Variants in MINDY4 observed in about 807,000 individuals in gnomAD.
MINDY4 encodes MINDY lysine 48 deubiquitinase 4.
MINDY4 carries 68 observed loss-of-function variants against 87.0 expected under a neutral mutation model. That is an observed-to-expected ratio of 0.78 (90% CI 0.64 to 0.96). The LOEUF (loss-of-function observed/expected upper bound fraction) is 0.96, where lower values mean the gene tolerates loss of function less well. MINDY4 is among the 40% of genes least tolerant of loss of function. The pLI, the probability that MINDY4 is intolerant of heterozygous loss-of-function variation, is 0.00. For missense variants in MINDY4, 919 were observed against 928.2 expected (o/e 0.99, Z 0.13); for synonymous variants, 379 against 363.2 (o/e 1.04, Z -0.50).
At chr7:30,871,477 G>A (rs1249118241) in intron 13 of MINDY4, among the ~76,000 whole-genome samples, 2 of 152,198 alleles carry the variant, frequency 1.3e-5, no homozygotes, top group Non-Finnish European at 2.9e-5. Flanking sequence ...AGACTTGGGA[G>A]GGTTTTCTGC....
intron 5 of MINDY4, among the ~76,000 whole-genome samples, chr7:30,817,059 T>C (rs1335217751): frequency 6.6e-6 from 1 of 152,144 alleles, no homozygotes; most frequent in East Asian, 1.9e-4. Context: ...ATTTGAAAAA[T>C]GCATGTGAAT....
intron 12 of MINDY4, among the ~76,000 whole-genome samples, chr7:30,854,521 G>C (rs1325690326): frequency 2.7e-5 from 4 of 150,920 alleles, no homozygotes; most frequent in African/African-American, 9.7e-5. Flanking sequence ...AGCAGAGGAA[G>C]AACACAGACC....
rs370149704 is a variant in MINDY4, at chr7:30,791,431, C to T, written c.930C>T (p.Ser310=). The change falls in exon 5 of 18, where the codon TCC becomes TCT. Residue 310 remains serine (S), a synonymous_variant. Transcript: ENST00000265299. ...PWDRARPRDP[S]EDTPAVDGST... is the part of the protein sequence containing the mutation. ...ACAGGGCCAGGCCGAGGGATCCCTC[C>T]GAGGACACCCCAGCAGTGGACGGCA... The T allele has an allele frequency of 7.4e-5, 119 of 1,613,970 alleles. No individual in the cohort carries two copies. The highest frequency in any genetic ancestry group is 2.7e-4 in the Admixed American group (16 of 59,998).
chr7:30,771,432 G>A lies in MINDY4; in HGVS notation c.-62G>A. On this transcript the variant is annotated 5_prime_UTR_variant, in exon 1 of 18. Coordinates refer to ENST00000265299, the MANE Select transcript of MINDY4 (RefSeq NM_032222.3). Reference sequence around the variant, plus strand: ...CAACGCGGCCATACTGCGCCGGACAGACCCAGTTGCCTGGTGCTGCGGCCC... The same window carrying A: ...CAACGCGGCCATACTGCGCCGGACAAACCCAGTTGCCTGGTGCTGCGGCCC... 6.4e-7 allele frequency: 1 copy of A among 1,551,210 alleles called. No individual in the cohort carries two copies.
chr7:30,870,058 A>G (rs1351338335), intron 13 of MINDY4, among the ~76,000 whole-genome samples: 2 of 152,152 alleles, frequency 1.3e-5, no homozygotes, highest in African/African-American at 4.8e-5. Flanking sequence ...TCTCTCTCGA[A>G]TGCCCTGATA....
chr7:30,836,979 G>A (rs1044877113), intron 7 of MINDY4, among the ~76,000 whole-genome samples: 1 of 152,084 alleles, frequency 6.6e-6, no homozygotes, highest in Non-Finnish European at 1.5e-5. Context: ...AAGACAAAAG[G>A]TGAGGGAGGA....
At position 30,848,916 on chromosome 7, in the gene MINDY4, G is replaced by C. The variant is rs930124315; in HGVS notation, c.1446-1538G>C. ...ACTTAATGGTTTCATAAAGACAATA[G>C]TCATACGCGCCATTGATTGAATAGT... On this transcript the variant is annotated intron_variant, in intron 9 of 17. Transcript: ENST00000265299. Among the ~76,000 whole-genome samples the C allele has an allele frequency of 2.0e-5, 3 of 152,200 alleles. No homozygotes were observed. The East Asian group carries it at 5.8e-4, about 29-fold the overall frequency.
At chr7:30,800,083 T>G (rs1016189311) in intron 5 of MINDY4, among the ~76,000 whole-genome samples, 2 of 152,214 alleles carry the variant, frequency 1.3e-5, no homozygotes, top group Admixed American at 1.3e-4. Flanking sequence ...GATGCAGCTG[T>G]GAGCCCTTAG....
chr7:30,780,678 A>G (rs1381236597), intron 2 of MINDY4: 1 of 152,216 alleles, frequency 6.6e-6, no homozygotes, highest in African/African-American at 2.4e-5. Flanking sequence ...CCTCTTAGGT[A>G]TAGGATAGAT....
chr7:30,851,472 G>C (rs1789411086), intron 10 of MINDY4, among the ~76,000 whole-genome samples: 1 of 152,184 alleles, frequency 6.6e-6, no homozygotes, highest in African/African-American at 2.4e-5. Context: ...ATGAATAGCT[G>C]ATAAATAATA....
intron 17 of MINDY4, among the ~76,000 whole-genome samples, chr7:30,890,942 A>C (rs1368393230): frequency 1.3e-5 from 2 of 152,146 alleles, no homozygotes; most frequent in Non-Finnish European, 2.9e-5. Context: ...GACTTTCTGG[A>C]TGTAGATGTA....
At chr7:30,818,718 G>A (rs1293141601) in intron 5 of MINDY4, among the ~76,000 whole-genome samples, 3 of 152,238 alleles carry the variant, frequency 2.0e-5, no homozygotes, top group Middle Eastern at 6.8e-3. Flanking sequence ...TGTATATGTT[G>A]GGGCTGGAAA....
intron 6 of MINDY4, among the ~76,000 whole-genome samples, chr7:30,836,298 T>C (rs1026950295): frequency 1.3e-5 from 2 of 152,230 alleles, no homozygotes; most frequent in African/African-American, 4.8e-5. Flanking sequence ...AAGAAATGTG[T>C]CTGAGCTAGG....
chr7:30,806,780 G>T (rs185737050), intron 5 of MINDY4, among the ~76,000 whole-genome samples: 2 of 152,348 alleles, frequency 1.3e-5, no homozygotes, highest in South Asian at 4.1e-4. Context: ...GAAAGCTCTG[G>T]AGGGTGAGGC....
At position 30,836,777 on chromosome 7, in the gene MINDY4, A is replaced by C. The variant is rs749424254; in HGVS notation, c.1239+13A>C. ...CTCAGTAGCAAAGGTAAGTGTAAGGAGACTCCTGGGTTAAATGTGTCTTGA... is the reference window on the plus strand; with the variant it reads ...CTCAGTAGCAAAGGTAAGTGTAAGGCGACTCCTGGGTTAAATGTGTCTTGA... On this transcript the variant is annotated intron_variant, in intron 7 of 17. Transcript: ENST00000265299. 6 of 1,601,116 alleles carry C rather than the reference A, an allele frequency of 3.7e-6. No individual in the cohort carries two copies. In the African/African-American group the frequency reaches 8.0e-5, roughly 21 times the overall value.
At chr7:30,872,127 C>A (rs756426759) in intron 13 of MINDY4, 116 bp from the exon 14 acceptor site, 34 of 974,764 alleles carry the variant, frequency 3.5e-5, no homozygotes, top group Admixed American at 1.2e-4. Context: ...AGGTTCCCAC[C>A]AAATCTGGAA....
At chr7:30,884,758 C>T (rs547707310) in intron 17 of MINDY4, among the ~76,000 whole-genome samples, 2 of 152,328 alleles carry the variant, frequency 1.3e-5, no homozygotes, top group Admixed American at 6.5e-5. Context: ...CACCTCCCAG[C>T]GTGGGCCCAG....
chr7:30,800,778 T>C (rs1354108301), intron 5 of MINDY4, among the ~76,000 whole-genome samples: 3 of 152,192 alleles, frequency 2.0e-5, no homozygotes, highest in African/African-American at 7.2e-5. Flanking sequence ...CTCTGCAGCC[T>C]TGATACAGCC....
intron 9 of MINDY4, among the ~76,000 whole-genome samples, chr7:30,846,859 T>C (rs1218168593): frequency 1.3e-5 from 2 of 152,172 alleles, no homozygotes; most frequent in Non-Finnish European, 2.9e-5. Context: ...GCATGCACAA[T>C]TCACAATAGG....
Sources: gnomAD v4.1 joint callset for allele counts (sites outside exome capture counted in the v4.1 genomes callset) on GRCh38, gnomAD v4.1.1 for gene constraint, MANE v1.5 for transcripts, NCBI Gene and HGNC (gene_info 2026-07-23, HGNC 2026-07-21) for gene names.